The following PAM variants were observed in gnomAD, a reference collection of about 807,000 sequenced individuals.
PAM encodes the protein peptidylglycine alpha-amidating monooxygenase, also known as peptidyl-glycine alpha-amidating monooxygenase.
In PAM, 72 loss-of-function variants were observed where a neutral mutation model predicts 122.1. The observed-to-expected ratio is 0.59, with a 90% confidence interval of 0.49 to 0.72. The LOEUF (loss-of-function observed/expected upper bound fraction) is 0.72, where lower values mean the gene tolerates loss of function less well. Among genes scored for constraint, PAM ranks in the 30% least tolerant of loss-of-function variants. PAM has a pLI of 0.00. For synonymous variants in PAM, 389 were observed against 404.4 expected (o/e 0.96, Z 0.46); for missense variants, 1,106 against 1,183.7 (o/e 0.93, Z 0.96).
chr5:103,004,049 G>A (rs1347608931), intron 17 of PAM, among the ~76,000 whole-genome samples: 1 of 152,136 alleles, frequency 6.6e-6, no homozygotes, highest in East Asian at 1.9e-4. Context: ...TAACTTGACA[G>A]CTTCAGGAAT....
chr5:102,825,722 C>T (rs1407422836), intron 1 of PAM, among the ~76,000 whole-genome samples: 1 of 152,132 alleles, frequency 6.6e-6, no homozygotes, highest in Non-Finnish European at 1.5e-5. Flanking sequence ...GTGGCATGTG[C>T]CTCTAGTCTA....
intron 1 of PAM, among the ~76,000 whole-genome samples, chr5:102,779,590 A>T (rs1256957025): frequency 2.0e-5 from 3 of 152,018 alleles, no homozygotes; most frequent in African/African-American, 7.2e-5. Flanking sequence ...AAGGAGATTA[A>T]CATTTGAGTC....
intron 1 of PAM, among the ~76,000 whole-genome samples, chr5:102,822,773 A>G (rs1428774160): frequency 6.6e-6 from 1 of 152,154 alleles, no homozygotes; most frequent in African/African-American, 2.4e-5. Flanking sequence ...AATGCAGGAA[A>G]GAGCAGTGAG....
intron 1 of PAM, among the ~76,000 whole-genome samples, chr5:102,789,016 C>A (rs1761332864): frequency 6.6e-6 from 1 of 152,026 alleles, no homozygotes; most frequent in Admixed American, 6.6e-5. Context: ...GATGACATTA[C>A]CAAAGAGAGA....
intron 21 of PAM, 152 bp downstream of exon 21, chr5:103,010,018 A>AT (rs3832357): frequency 0.23 from 69,501 of 296,520 alleles, 9,950 homozygotes; most frequent in East Asian, 0.38. Context: ...GTTCTATTTT[A>AT]TTTTTTATTT....
chr5:102,842,513 T>C (rs1428240888), intron 1 of PAM, among the ~76,000 whole-genome samples: 2 of 152,226 alleles, frequency 1.3e-5, no homozygotes, highest in African/African-American at 4.8e-5. Context: ...TCCACCATCA[T>C]TGTGAGGCCT....
At chr5:102,990,936 T>C (rs1773885930) in intron 16 of PAM, among the ~76,000 whole-genome samples, 1 of 152,210 alleles carries the variant, frequency 6.6e-6, no homozygotes, top group African/African-American at 2.4e-5. Flanking sequence ...ACTACTTTTA[T>C]TACTCAAATT....
chr5:103,007,087 C>T, intron 19 of PAM, 76 bp downstream of exon 19: 1 of 1,088,300 alleles, frequency 9.2e-7, no homozygotes, highest in Non-Finnish European at 1.3e-6. Flanking sequence ...GGCCAACACT[C>T]ACATTCTTTA....
chr5:102,868,824 A>G (rs1218287385), intron 3 of PAM, among the ~76,000 whole-genome samples: 1 of 152,200 alleles, frequency 6.6e-6, no homozygotes, highest in Non-Finnish European at 1.5e-5. Context: ...CATTTAAATT[A>G]CTTAACAATA....
intron 23 of PAM, among the ~76,000 whole-genome samples, chr5:103,023,491 T>C (rs544373461): frequency 6.6e-6 from 1 of 151,344 alleles, no homozygotes; most frequent in East Asian, 1.9e-4. Context: ...TTTGTATATC[T>C]TTCCTATAGC....
At chr5:102,928,157 G>A (rs11952376) in intron 7 of PAM, among the ~76,000 whole-genome samples, 1,952 of 152,186 alleles carry the variant, frequency 0.013, 32 homozygotes, top group African/African-American at 0.029. Context: ...GCAGGTTCCC[G>A]CAAACCCTAA....
intron 1 of PAM, among the ~76,000 whole-genome samples, chr5:102,799,708 G>C (rs1246653279): frequency 6.6e-6 from 1 of 152,112 alleles, no homozygotes; most frequent in East Asian, 1.9e-4. Context: ...TGTTACACAG[G>C]CTCCTACATG....
At chr5:103,027,174 T>G (rs892734641) in intron 24 of PAM, among the ~76,000 whole-genome samples, 33 of 152,224 alleles carry the variant, frequency 2.2e-4, no homozygotes, top group African/African-American at 7.5e-4. Flanking sequence ...TTATTCATCA[T>G]TCCTTATTAT....
chr5:102,875,007 A>G (rs1185694992), intron 3 of PAM, among the ~76,000 whole-genome samples: 1 of 152,092 alleles, frequency 6.6e-6, no homozygotes, highest in Non-Finnish European at 1.5e-5. Flanking sequence ...TTCATTTTGT[A>G]ATTCTGTGCT....
In PAM at chr5:102,768,032, T is replaced by TA. The variant is rs1460973702; in HGVS notation, c.-374+12685dup. Among the ~76,000 whole-genome samples the TA allele has an allele frequency of 2.1e-4, 32 of 152,210 alleles. No homozygotes were observed. In the East Asian group the frequency reaches 5.6e-3, roughly 27 times the overall value. Reference sequence around the variant, plus strand: ...AATAAGCTCATCGATGTAATGCACTTAGAGTGGAGACCAGTGCACAGCAAG... The same window carrying TA: ...AATAAGCTCATCGATGTAATGCACTTAAGAGTGGAGACCAGTGCACAGCAAG... On this transcript the variant is annotated intron_variant, in intron 1 of 25. Coordinates refer to ENST00000438793, the MANE Select transcript of PAM (RefSeq NM_001177306.2).
At chr5:103,018,651 G>C (rs30718) in intron 22 of PAM, among the ~76,000 whole-genome samples, 151,722 of 152,322 alleles carry the variant, frequency 1, 75,563 homozygotes, top group East Asian at 1. Flanking sequence ...CATGACTAAA[G>C]TGTGGATTTT....
intron 3 of PAM, among the ~76,000 whole-genome samples, chr5:102,890,013 A>G (rs2151258853): frequency 2.0e-5 from 3 of 152,102 alleles, no homozygotes; most frequent in Middle Eastern, 6.8e-3. Flanking sequence ...ATAGCAAAAA[A>G]GATCTTAAAG....
At chr5:102,950,416 G>T (rs374115864) in intron 11 of PAM, among the ~76,000 whole-genome samples, 86 of 146,050 alleles carry the variant, frequency 5.9e-4, no homozygotes, top group South Asian at 3.7e-3. Context: ...TATGTGGGTG[G>T]GTGTGTGTGT....
chr5:103,021,411 C>A (rs1262916525), intron 23 of PAM, among the ~76,000 whole-genome samples: 1 of 152,250 alleles, frequency 6.6e-6, no homozygotes, highest in Non-Finnish European at 1.5e-5. Context: ...CCAAAAAATT[C>A]TAGGTGGTAC....
Sources: allele counts gnomAD v4.1 joint callset (sites outside exome capture counted in the v4.1 genomes callset), GRCh38; gene constraint gnomAD v4.1.1; transcripts MANE v1.5; gene names NCBI Gene and HGNC (gene_info 2026-07-23, HGNC 2026-07-21).